The following KIRREL1 variants were observed in gnomAD, a reference collection of about 807,000 sequenced individuals.
KIRREL1 encodes kin of IRRE-like protein 1.
KIRREL1 carries 25 observed loss-of-function variants against 83.3 expected under a neutral mutation model. The ratio of observed to expected loss-of-function variants is 0.30; its 90% CI spans 0.22 to 0.42. KIRREL1 has a LOEUF of 0.42. Ranked by LOEUF, KIRREL1 falls within the 10% of genes least tolerant of loss-of-function variation. KIRREL1 has a pLI of 1.00. For synonymous variants in KIRREL1, 388 were observed against 410.4 expected (o/e 0.95, Z 0.66); for missense variants, 812 against 1,032.3 (o/e 0.79, Z 2.92).
chr1:158,002,876 G>C (rs1659405905), intron 1 of KIRREL1, among the ~76,000 whole-genome samples: 1 of 152,026 alleles, frequency 6.6e-6, no homozygotes, highest in Non-Finnish European at 1.5e-5. Flanking sequence ...GGAAGGAGCC[G>C]AGGAATCCGA....
rs148095457 is a variant in KIRREL1, at chr1:158,088,118, G to C, written c.880G>C (p.Gly294Arg). Residue 294 changes from glycine (G) to arginine (R), a missense_variant, in exon 7 of 15, where the codon GGA (glycine) becomes CGA (arginine). Coordinates refer to ENST00000359209, the MANE Select transcript of KIRREL1 (RefSeq NM_018240.7). ...PVSCEVHNKV[G>R]STNVSTLVNV... is the part of the protein sequence containing the mutation. ...GTCTTGTGAGGTTCACAACAAAGTG[G>C]GAAGCACCAATGTCAGCACTTTAGT... 6.2e-7 allele frequency: 1 copy of C among 1,614,170 alleles called. No homozygotes were observed. The highest frequency in any genetic ancestry group is 8.5e-7 in the Non-Finnish European group (1 of 1,180,036).
intron 1 of KIRREL1, among the ~76,000 whole-genome samples, chr1:158,071,125 G>A (rs908849146): frequency 2.0e-5 from 3 of 152,028 alleles, no homozygotes; most frequent in African/African-American, 7.2e-5. Context: ...TTACTCCATG[G>A]GTGTCTTTGT....
intron 1 of KIRREL1, among the ~76,000 whole-genome samples, chr1:158,042,791 C>T (rs1343704830): frequency 2.6e-5 from 4 of 151,566 alleles, no homozygotes; most frequent in South Asian, 2.1e-4. Context: ...TTAGCTTTGC[C>T]GGCTGGGCAC....
At chr1:158,025,247 T>A (rs1200675954) in intron 1 of KIRREL1, among the ~76,000 whole-genome samples, 1 of 151,482 alleles carries the variant, frequency 6.6e-6, no homozygotes, top group Non-Finnish European at 1.5e-5. Context: ...TCTTTCAGGG[T>A]GGCGGAGACA....
intron 1 of KIRREL1, among the ~76,000 whole-genome samples, chr1:158,028,659 T>A (rs1307796834): frequency 6.6e-6 from 1 of 152,208 alleles, no homozygotes; most frequent in African/African-American, 2.4e-5. Context: ...TTTCAATTAT[T>A]TTTTCTATTT....
chr1:158,076,647 G>T (rs1661689804), intron 2 of KIRREL1, among the ~76,000 whole-genome samples: 1 of 152,216 alleles, frequency 6.6e-6, no homozygotes. Flanking sequence ...CAACTTCTGT[G>T]TCCCGCAAGT....
chr1:158,073,081 A>G (rs1230348735), intron 1 of KIRREL1, among the ~76,000 whole-genome samples: 3 of 152,176 alleles, frequency 2.0e-5, no homozygotes, highest in African/African-American at 7.2e-5. Flanking sequence ...ACCCAGGGGC[A>G]TCTGAACTAT....
chr1:158,029,366 T>TGTGTGC (rs1553238087), intron 1 of KIRREL1, among the ~76,000 whole-genome samples: 19 of 148,932 alleles, frequency 1.3e-4, no homozygotes, highest in African/African-American at 2.2e-4. Context: ...TGTGTGTGTG[T>TGTGTGC]GCACGTGCGC....
At chr1:158,037,805 A>G (rs1345897237) in intron 1 of KIRREL1, among the ~76,000 whole-genome samples, 5 of 152,046 alleles carry the variant, frequency 3.3e-5, no homozygotes, top group Non-Finnish European at 5.9e-5. Flanking sequence ...TGTTGTCCTG[A>G]GTGTCCTAGG....
chr1:158,076,344 C>A, intron 2 of KIRREL1, 82 bp downstream of exon 2: 1 of 1,317,576 alleles, frequency 7.6e-7, no homozygotes, highest in Non-Finnish European at 1.1e-6. Flanking sequence ...CTGGACTCAC[C>A]ATCCCTTAGT....
chr1:158,072,650 G>T (rs909894421), intron 1 of KIRREL1, among the ~76,000 whole-genome samples: 1 of 151,916 alleles, frequency 6.6e-6, no homozygotes, highest in Admixed American at 6.6e-5. Flanking sequence ...AGGTGACAAA[G>T]GCCTCCTCTC....
In KIRREL1 at chr1:158,091,355, C is replaced by T. The variant is rs1383073427; in HGVS notation, c.1273-3C>T. ...TACCTTCTTCCTTCCCTCTCCACCA[C>T]AGGCATGGGCCTGGAAGGAGAACTT... On this transcript the variant is annotated splice_region_variant and splice_polypyrimidine_tract_variant and intron_variant, in intron 10 of 14. Coordinates refer to ENST00000359209, the MANE Select transcript of KIRREL1 (RefSeq NM_018240.7). 2.5e-6 allele frequency: 4 copies of T among 1,612,508 alleles called. No individual in the cohort carries two copies. The highest frequency in any genetic ancestry group is 3.3e-5 in the Admixed American group (2 of 59,978).
chr1:157,995,206 C>G (rs1010187958), intron 1 of KIRREL1, among the ~76,000 whole-genome samples: 2 of 152,202 alleles, frequency 1.3e-5, no homozygotes. Context: ...CTTCCCAGTT[C>G]CGAAGGCAAA....
At chr1:158,073,189 A>C (rs1021594445) in intron 1 of KIRREL1, among the ~76,000 whole-genome samples, 1 of 152,094 alleles carries the variant, frequency 6.6e-6, no homozygotes, top group Non-Finnish European at 1.5e-5. Flanking sequence ...TTTCCATCCA[A>C]TTAAATTCCC....
chr1:158,089,719 G>A lies in KIRREL1; in HGVS notation c.1173G>A (p.Gly391=), dbSNP rs1413547841. The change falls in exon 10 of 15, where the codon GGG becomes GGA. Residue 391 remains glycine (G), a splice_region_variant and synonymous_variant. Transcript: ENST00000359209. ...TGACTTGTGTCTTCTTGCTTGCAGG[G>A]CCCCCCATCATCTCCAGTGAGGCAG... ...AEREVPLYVN[G]PPIISSEAVQ... is the part of the protein sequence containing the mutation. The A allele has an allele frequency of 6.2e-7, 1 of 1,614,160 alleles. No individual in the cohort carries two copies. Among genetic ancestry groups the A allele is most frequent in the Non-Finnish European group, 8.5e-7 (1 of 1,180,020 alleles).
intron 5 of KIRREL1, 74 bp from the exon 6 acceptor site, chr1:158,087,681 A>T: frequency 9.6e-7 from 1 of 1,039,218 alleles, no homozygotes; most frequent in Non-Finnish European, 1.4e-6. Context: ...TCAGGTCTGA[A>T]TGTACGTGTT....
chr1:158,087,828 G>A lies in KIRREL1; in HGVS notation c.735G>A (p.Gln245=), dbSNP rs1359890632. ...QEGERVVFTC[Q]ATANPEILGY... ...GTGAGCGTGTTGTCTTTACCTGCCA[G>A]GCCACAGCCAACCCCGAGATCTTGG... The change falls in exon 6 of 15, where the codon CAG becomes CAA. Residue 245 remains glutamine, a synonymous_variant. Transcript: ENST00000359209. 6.2e-7 allele frequency: 1 copy of A among 1,614,044 alleles called. No individual in the cohort carries two copies. The highest frequency in any genetic ancestry group is 1.7e-5 in the Admixed American group (1 of 60,014).
intron 1 of KIRREL1, among the ~76,000 whole-genome samples, chr1:158,063,287 GA>G (rs886448464): frequency 2.6e-5 from 4 of 151,982 alleles, no homozygotes; most frequent in African/African-American, 9.7e-5. Context: ...AGTCAGATAA[GA>G]AAAAAATGCA....
At chr1:158,014,720 A>C (rs986459786) in intron 1 of KIRREL1, among the ~76,000 whole-genome samples, 11 of 151,760 alleles carry the variant, frequency 7.2e-5, no homozygotes, top group Non-Finnish European at 1.6e-4. Context: ...TTAGTCAGAT[A>C]AATGGAAGAA....
Sources: allele counts gnomAD v4.1 joint callset (sites outside exome capture counted in the v4.1 genomes callset), GRCh38; gene constraint gnomAD v4.1.1; transcripts MANE v1.5; gene names NCBI Gene and HGNC (gene_info 2026-07-23, HGNC 2026-07-21).